The following CDH23 variants were observed in gnomAD, a reference collection of about 807,000 sequenced individuals.
The protein encoded by CDH23 is cadherin related 23.
In CDH23, 189 loss-of-function variants were observed where a neutral mutation model predicts 317.1. The observed-to-expected ratio is 0.60, with a 90% CI of 0.53 to 0.67. The LOEUF is 0.67. Among genes scored for constraint, CDH23 ranks in the 30% least tolerant of loss-of-function variants. The probability of loss-of-function intolerance (pLI) is 0.00; values close to 1 mark genes in which losing one functional copy is unlikely to be tolerated. For synonymous variants in CDH23, 1,839 were observed against 1,876.8 expected (o/e 0.98, Z 0.52); for missense variants, 4,401 against 4,592.4 (o/e 0.96, Z 1.20).
intron 9 of CDH23, among the ~76,000 whole-genome samples, chr10:71,605,783 G>T (rs1262609238): frequency 3.9e-5 from 6 of 152,096 alleles, no homozygotes; most frequent in Non-Finnish European, 5.9e-5. Flanking sequence ...GGACATCTAG[G>T]TTACCTCCAG....
Position 71,791,196 on chromosome 10 carries a change from G to T in CDH23, c.6114G>T (p.Glu2038Asp). 1 of 1,611,718 alleles carries T rather than the reference G, an allele frequency of 6.2e-7. No individual in the cohort carries two copies. Among genetic ancestry groups the T allele is most frequent in the African/African-American group, 1.3e-5 (1 of 75,036 alleles). Residue 2038 changes from glutamate to aspartate, a missense_variant, in exon 47 of 70, where the codon GAG (glutamate) becomes GAT (aspartate). Glu to Asp is a conservative substitution (Grantham distance 45). Coordinates refer to ENST00000224721, the MANE Select transcript of CDH23 (RefSeq NM_022124.6). ...DREAFSPPIL[E>D]LLLLAEDIGL... is the part of the protein sequence containing the mutation. ...AGGCATTCTCGCCACCCATCCTGGA[G>T]CTGCTGCTGCTGGCTGAGGACATCG... is the stretch of plus-strand genomic sequence containing the variant.
At chr10:71,573,961 C>T (rs934290840) in intron 8 of CDH23, among the ~76,000 whole-genome samples, 4 of 152,226 alleles carry the variant, frequency 2.6e-5, no homozygotes, top group Non-Finnish European at 1.5e-5. Flanking sequence ...CAGCCTGATC[C>T]TTCCCGGCTG....
At chr10:71,667,485 G>C (rs1665635) in intron 14 of CDH23, among the ~76,000 whole-genome samples, 1 of 151,012 alleles carries the variant, frequency 6.6e-6, no homozygotes, top group Non-Finnish European at 1.5e-5. Context: ...AAGTTTCTAG[G>C]AGAGTGTGCA....
intron 8 of CDH23, 57 bp from the exon 9 acceptor site, chr10:71,577,857 C>T: frequency 1.4e-6 from 2 of 1,446,346 alleles, no homozygotes; most frequent in Non-Finnish European, 1.9e-6. Context: ...ATGATAGCTA[C>T]AAAGAAAGAC....
At chr10:71,554,247 GAGTGCAGC>G (rs1856759272) in intron 6 of CDH23, among the ~76,000 whole-genome samples, 1 of 152,080 alleles carries the variant, frequency 6.6e-6, no homozygotes, top group African/African-American at 2.4e-5. Flanking sequence ...GCCCCAGCTG[GAGTGCAGC>G]AGTGCAGTCA....
intron 20 of CDH23, among the ~76,000 whole-genome samples, chr10:71,691,694 AGG>A (rs1283966016): frequency 6.6e-6 from 1 of 152,232 alleles, no homozygotes; most frequent in Non-Finnish European, 1.5e-5. Flanking sequence ...GTTATGGGCC[AGG>A]CCCTGCCTGG....
Position 71,479,016 on chromosome 10 carries a change from C to T in CDH23, c.146-31066C>T, listed in dbSNP as rs184719097. On this transcript the variant is annotated intron_variant, in intron 3 of 69. Coordinates refer to ENST00000224721, the MANE Select transcript of CDH23 (RefSeq NM_022124.6). ...AGAGAGGAAGGGAGTGGCCATTTAC[C>T]GAGTGTCCACTTCAAGGAGGGGACT... 1.4e-4 allele frequency among the ~76,000 whole-genome samples: 22 copies of T among 152,200 alleles called. 1 individual carries two copies. In the East Asian group the frequency reaches 3.3e-3, roughly 23 times the overall value.
At chr10:71,680,232 C>G (rs557080373) in intron 17 of CDH23, among the ~76,000 whole-genome samples, 60 of 152,356 alleles carry the variant, frequency 3.9e-4, no homozygotes, top group African/African-American at 1.4e-3. Flanking sequence ...TTCCTCCTTG[C>G]CCCTTGGTCC....
At chr10:71,761,882 G>A (rs572650329) in intron 38 of CDH23, 28 of 1,614,088 alleles carry the variant, frequency 1.7e-5, no homozygotes, top group South Asian at 7.7e-5. Flanking sequence ...CTCGCCCCTC[G>A]AGCTGCGGTA....
chr10:71,797,065 G>A (rs757833676), intron 48 of CDH23, 39 bp from the exon 49 acceptor site: 1 of 1,400,732 alleles, frequency 7.1e-7, no homozygotes, highest in Non-Finnish European at 1.0e-6. Flanking sequence ...ATTTTAGGGG[G>A]TTCTTCTCAG....
chr10:71,627,617 A>C (rs1861804571), intron 11 of CDH23, among the ~76,000 whole-genome samples: 2 of 151,954 alleles, frequency 1.3e-5, no homozygotes, highest in Non-Finnish European at 2.9e-5. Flanking sequence ...ACCAGTGCCC[A>C]CCCCTCACCT....
intron 33 of CDH23, 104 bp downstream of exon 33, chr10:71,734,445 C>A: frequency 6.8e-7 from 1 of 1,473,172 alleles, no homozygotes. Flanking sequence ...GGCCAGGCAG[C>A]GGGCGAGGGT....
chr10:71,764,984 G>A (rs951935850), intron 38 of CDH23, among the ~76,000 whole-genome samples: 16 of 152,234 alleles, frequency 1.1e-4, no homozygotes, highest in Admixed American at 9.2e-4. Flanking sequence ...GGTTTTGTCC[G>A]TGCTGGCCTG....
chr10:71,677,106 C>T (rs1260254735), intron 15 of CDH23, among the ~76,000 whole-genome samples: 1 of 152,168 alleles, frequency 6.6e-6, no homozygotes, highest in Non-Finnish European at 1.5e-5. Flanking sequence ...TGGTGCAAAA[C>T]GATCTGGGTT....
intron 3 of CDH23, among the ~76,000 whole-genome samples, chr10:71,459,996 G>A (rs937754994): frequency 1.3e-5 from 2 of 152,166 alleles, no homozygotes; most frequent in African/African-American, 4.8e-5. Context: ...GGGATGTTTT[G>A]TGTGCCTCAC....
intron 14 of CDH23, among the ~76,000 whole-genome samples, chr10:71,649,406 C>T (rs1863056054): frequency 6.6e-6 from 1 of 152,230 alleles, no homozygotes; most frequent in Non-Finnish European, 1.5e-5. Flanking sequence ...AGGAGCCGAG[C>T]GTCCCCAGCT....
chr10:71,498,368 G>A (rs1040014136), intron 3 of CDH23, among the ~76,000 whole-genome samples: 3 of 152,138 alleles, frequency 2.0e-5, no homozygotes, highest in African/African-American at 7.2e-5. Context: ...GGTCACATTC[G>A]GGCCAGGTGA....
chr10:71,425,900 G>A (rs1368117467), intron 1 of CDH23, among the ~76,000 whole-genome samples: 5 of 152,260 alleles, frequency 3.3e-5, no homozygotes, highest in African/African-American at 1.2e-4. Context: ...CAGGATGGAA[G>A]CTGCTGGGTT....
intron 9 of CDH23, among the ~76,000 whole-genome samples, chr10:71,591,221 A>G (rs910647558): frequency 6.6e-6 from 1 of 152,210 alleles, no homozygotes; most frequent in East Asian, 1.9e-4. Context: ...GCTTCACCCG[A>G]ATGCTGGTTC....
Sources: gnomAD v4.1 joint callset for allele counts (sites outside exome capture counted in the v4.1 genomes callset) on GRCh38, gnomAD v4.1.1 for gene constraint, MANE v1.5 for transcripts, NCBI Gene and HGNC (gene_info 2026-07-23, HGNC 2026-07-21) for gene names.